The following PRKN variants were observed in gnomAD, a reference collection of about 807,000 sequenced individuals.
PRKN encodes the protein parkin RBR E3 ubiquitin protein ligase.
A neutral mutation model predicts 59.5 loss-of-function variants in PRKN; 56 were observed. That is an observed-to-expected ratio of 0.94 (90% CI 0.76 to 1.18). PRKN has a LOEUF of 1.18. Among genes scored for constraint, PRKN ranks in the 50% most tolerant of loss-of-function variants. The pLI, the probability that PRKN is intolerant of heterozygous loss-of-function variation, is 0.00. For synonymous variants in PRKN, 250 were observed against 222.1 expected, an observed-to-expected ratio of 1.13 and a Z score of -1.12; for missense variants, 657 against 596.4, an observed-to-expected ratio of 1.10 and a Z score of -1.06.
At position 161,459,697 on chromosome 6, in the gene PRKN, G is replaced by T. The variant is rs1399063165; in HGVS notation, c.1084-72820C>A. On this transcript the variant is annotated intron_variant, in intron 9 of 11. Coordinates refer to ENST00000366898, the MANE Select transcript of PRKN (RefSeq NM_004562.3). This position sits in a 1 kb window ranked among gnomAD's most constrained non-coding sequence, Gnocchi z 4.8. ...GTTTAGAGGTTTCCACTTATATGTA[G>T]ATTTGTCCAGGGTCCTAGGAAACTA... is the stretch of plus-strand genomic sequence containing the variant. Among the ~76,000 whole-genome samples the T allele has an allele frequency of 6.6e-6, 1 of 152,146 alleles. No individual in the cohort carries two copies. The highest frequency in any genetic ancestry group is 2.4e-5 in the African/African-American group (1 of 41,432).
At chr6:162,521,961 A>G (rs1000073273) in intron 1 of PRKN, among the ~76,000 whole-genome samples, 1 of 152,208 alleles carries the variant, frequency 6.6e-6, no homozygotes, top group Non-Finnish European at 1.5e-5. Flanking sequence ...ACGCAATGGA[A>G]TATCAAACTA....
At chr6:162,070,078 C>T (rs961825530) in intron 4 of PRKN, among the ~76,000 whole-genome samples, 1 of 152,166 alleles carries the variant, frequency 6.6e-6, no homozygotes, top group Admixed American at 6.5e-5. Context: ...TCTGTTAATG[C>T]TGTGTTCTAT....
intron 5 of PRKN, among the ~76,000 whole-genome samples, chr6:161,988,208 C>A (rs896611629): frequency 6.6e-6 from 1 of 152,008 alleles, no homozygotes; most frequent in African/African-American, 2.4e-5. Context: ...AAAGAAAATT[C>A]TTCAGGGCTG....
At chr6:162,400,730 A>G (rs1294373222) in intron 2 of PRKN, among the ~76,000 whole-genome samples, 1 of 152,140 alleles carries the variant, frequency 6.6e-6, no homozygotes. Flanking sequence ...GGTGGGAAGC[A>G]GAGGAAGTAC....
Position 161,376,790 on chromosome 6 carries a change from C to T in PRKN, c.1167+10004G>A, listed in dbSNP as rs1391419035. 2.0e-5 allele frequency among the ~76,000 whole-genome samples: 3 copies of T among 152,238 alleles called. No homozygotes were observed. Among genetic ancestry groups the T allele is most frequent in the Non-Finnish European group, 4.4e-5 (3 of 68,048 alleles). On this transcript the variant is annotated intron_variant, in intron 10 of 11. Transcript: ENST00000366898. The surrounding 1 kb of genome is among the most constrained non-coding windows in gnomAD (Gnocchi z 7.3). ...CCTCTGCCCAACCCTGCTTCCTTCT[C>T]TTCCTGAAGGTGCTGTTGAGAGCAC...
intron 1 of PRKN, among the ~76,000 whole-genome samples, chr6:162,646,106 T>G (rs1315819393): frequency 1.3e-5 from 2 of 151,806 alleles, no homozygotes; most frequent in Non-Finnish European, 2.9e-5. Flanking sequence ...TCTCCTGACC[T>G]CGTAAACCGC....
chr6:162,408,443 G>A (rs540151928), intron 2 of PRKN, among the ~76,000 whole-genome samples: 1 of 152,262 alleles, frequency 6.6e-6, no homozygotes, highest in South Asian at 2.1e-4. Context: ...GATTTTGAGA[G>A]GAATTATTAC....
At chr6:162,635,575 ATTAAG>A (rs1304160073) in intron 1 of PRKN, among the ~76,000 whole-genome samples, 2 of 139,506 alleles carry the variant, frequency 1.4e-5, no homozygotes, top group Non-Finnish European at 3.1e-5. Flanking sequence ...TCATCTTGTT[ATTAAG>A]TTTTCTTATT....
chr6:161,585,931 A>G (rs1781506260), intron 7 of PRKN, among the ~76,000 whole-genome samples: 1 of 152,160 alleles, frequency 6.6e-6, no homozygotes, highest in African/African-American at 2.4e-5. Context: ...TTTTAAGATC[A>G]TGTTCTCAGT....
intron 6 of PRKN, among the ~76,000 whole-genome samples, chr6:161,859,637 A>T (rs57979725): frequency 0.49 from 71,004 of 145,666 alleles, 17,523 homozygotes; most frequent in East Asian, 0.73. Flanking sequence ...AAAGAGAAAG[A>T]GCATTTCTTG....
chr6:161,673,804 T>C (rs1365192314), intron 7 of PRKN, among the ~76,000 whole-genome samples: 1 of 152,148 alleles, frequency 6.6e-6, no homozygotes, highest in Non-Finnish European at 1.5e-5. Flanking sequence ...GTAGGTAGCA[T>C]GTGTGGTGTG....
rs570865086 is a variant in PRKN at position 161,473,110 on chromosome 6, G to C, written c.1083+75744C>G. 6.6e-6 allele frequency among the ~76,000 whole-genome samples: 1 copy of C among 151,986 alleles called. No homozygotes were observed. Among genetic ancestry groups the C allele is most frequent in the South Asian group, 2.1e-4 (1 of 4,820 alleles). ...AGGTTCCTTAAAAAATAAAAAAATA[G>C]AACTATAGCACCATATGATCCAGCA... On this transcript the variant is annotated intron_variant, in intron 9 of 11. Coordinates refer to ENST00000366898, the MANE Select transcript of PRKN (RefSeq NM_004562.3). This position sits in a 1 kb window ranked among gnomAD's most constrained non-coding sequence, Gnocchi z 4.1.
At chr6:162,037,241 T>C (rs140425881) in intron 5 of PRKN, among the ~76,000 whole-genome samples, 160 of 152,316 alleles carry the variant, frequency 1.1e-3, no homozygotes, top group African/African-American at 3.6e-3. Flanking sequence ...TATAATGAAA[T>C]GTAGAGCAGC....
At chr6:161,723,372 T>C (rs1046390760) in intron 7 of PRKN, among the ~76,000 whole-genome samples, 2 of 152,202 alleles carry the variant, frequency 1.3e-5, no homozygotes, top group Non-Finnish European at 2.9e-5. Context: ...AATATGTTTA[T>C]GTTTTAACCC....
At chr6:161,936,078 A>G (rs1244143393) in intron 6 of PRKN, among the ~76,000 whole-genome samples, 1 of 152,238 alleles carries the variant, frequency 6.6e-6, no homozygotes, top group Non-Finnish European at 1.5e-5. Context: ...TTGAAGAATT[A>G]TAACAGGAGA....
At chr6:162,281,708 A>C (rs1780918362) in intron 2 of PRKN, among the ~76,000 whole-genome samples, 1 of 152,206 alleles carries the variant, frequency 6.6e-6, no homozygotes, top group Admixed American at 6.5e-5. Flanking sequence ...ATGAGTTAAA[A>C]TTTTGCAGCT....
intron 2 of PRKN, among the ~76,000 whole-genome samples, chr6:162,288,964 G>C (rs2128108581): frequency 6.6e-6 from 1 of 152,306 alleles, no homozygotes; most frequent in South Asian, 2.1e-4. Flanking sequence ...GTGAGACAAA[G>C]AGATTTGTTG....
At chr6:162,249,247 C>T (rs1779327855) in intron 3 of PRKN, among the ~76,000 whole-genome samples, 3 of 152,178 alleles carry the variant, frequency 2.0e-5, no homozygotes, top group Middle Eastern at 3.2e-3. Flanking sequence ...GAAAGAAATA[C>T]TTTTACTGAT....
intron 2 of PRKN, among the ~76,000 whole-genome samples, chr6:162,314,537 C>G (rs757475095): frequency 6.6e-6 from 1 of 152,078 alleles, no homozygotes. Flanking sequence ...GTGGGCACAT[C>G]CCCAGGAAGA....
Sources: allele counts gnomAD v4.1 joint callset (sites outside exome capture counted in the v4.1 genomes callset), GRCh38; gene constraint gnomAD v4.1.1; non-coding constraint Gnocchi (gnomAD v3.1); transcripts MANE v1.5; gene names NCBI Gene and HGNC (gene_info 2026-07-23, HGNC 2026-07-21).